PRDM5: variants seen among roughly 807,000 people sequenced by gnomAD.
The protein encoded by PRDM5 is PR/SET domain 5.
Under a neutral mutation model 81.2 loss-of-function variants are expected in PRDM5, and 56 were observed. That is an observed-to-expected ratio of 0.69 (90% CI 0.56 to 0.86). The LOEUF (loss-of-function observed/expected upper bound fraction) is 0.86, where lower values mean the gene tolerates loss of function less well. Ranked by LOEUF, PRDM5 falls within the 40% of genes least tolerant of loss-of-function variation. The probability of loss-of-function intolerance (pLI) is 0.00; values close to 1 mark genes in which losing one functional copy is unlikely to be tolerated. For missense variants in PRDM5, 697 were observed against 770.1 expected (o/e 0.91, Z 1.12); for synonymous variants, 267 against 256.4 (o/e 1.04, Z -0.39).
chr4:120,774,902 A>ATATATATATATATATATG (rs1553963976), intron 13 of PRDM5, among the ~76,000 whole-genome samples: 3 of 146,052 alleles, frequency 2.1e-5, no homozygotes, highest in African/African-American at 5.0e-5. Flanking sequence ...ATATATATAT[A>ATATATATATATATATATG]TATATGTATA....
At chr4:120,913,985 A>G (rs1766798189) in intron 1 of PRDM5, among the ~76,000 whole-genome samples, 1 of 152,188 alleles carries the variant, frequency 6.6e-6, no homozygotes, top group South Asian at 2.1e-4. Flanking sequence ...GACTGACGCC[A>G]CAGAGGACTA....
chr4:120,813,825 A>G (rs1379325226), intron 7 of PRDM5, among the ~76,000 whole-genome samples: 1 of 152,072 alleles, frequency 6.6e-6, no homozygotes, highest in Non-Finnish European at 1.5e-5. Context: ...CCCTCATAGC[A>G]ACTACTCCTT....
intron 13 of PRDM5, among the ~76,000 whole-genome samples, chr4:120,755,544 AT>A (rs56412820): frequency 0.095 from 14,392 of 152,184 alleles, 870 homozygotes; most frequent in South Asian, 0.21. Flanking sequence ...CTAGCAGTGT[AT>A]GTTCTTCCTC....
chr4:120,804,986 C>T (rs921181048), intron 8 of PRDM5, among the ~76,000 whole-genome samples: 4 of 152,140 alleles, frequency 2.6e-5, no homozygotes, highest in East Asian at 3.9e-4. Flanking sequence ...AGAGAAGAAT[C>T]AAATAGATGC....
chr4:120,712,061 G>A (rs1468543028), intron 14 of PRDM5, among the ~76,000 whole-genome samples: 3 of 152,070 alleles, frequency 2.0e-5, no homozygotes, highest in South Asian at 2.1e-4. Flanking sequence ...CAAGGCGGAC[G>A]AATTATCTGA....
chr4:120,773,205 C>A (rs1747550747), intron 13 of PRDM5, among the ~76,000 whole-genome samples: 1 of 151,242 alleles, frequency 6.6e-6, no homozygotes, highest in Non-Finnish European at 1.5e-5. Context: ...AAATGACTGA[C>A]AGACAAATTA....
chr4:120,778,615 C>T (rs1000245594), intron 12 of PRDM5, among the ~76,000 whole-genome samples: 2 of 151,982 alleles, frequency 1.3e-5, no homozygotes, highest in East Asian at 3.9e-4. Flanking sequence ...AACTAAAGAC[C>T]TTAGTCAGTA....
In PRDM5 at chr4:120,853,497, G is replaced by A. The variant is rs1175313702; in HGVS notation, c.221C>T (p.Thr74Ile). ...AAGCCAGTTGGAGTGCCGTGGGTTG[G>A]TAGCATCCAAAATGTACAAAACTTC... ...KGEVLYILDATNPRHSNWLRF... is the reference protein window; with the variant it reads ...KGEVLYILDAINPRHSNWLRF... Residue 74 changes from threonine (T) to isoleucine (I), a missense_variant, in exon 3 of 16, where the codon ACC becomes ATC. Thr to Ile is a moderately conservative substitution (Grantham distance 89, BLOSUM62 -1). This residue lies in a region of PRDM5 where 577 missense variants were observed against 606.7 expected (regional missense o/e 0.95). Transcript: ENST00000264808. 6.2e-7 allele frequency: 1 copy of A among 1,613,756 alleles called. No homozygotes were observed. The highest frequency in any genetic ancestry group is 1.1e-5 in the South Asian group (1 of 91,070).
intron 2 of PRDM5, among the ~76,000 whole-genome samples, chr4:120,885,134 C>CAAAAAAAAAA (rs60623556): frequency 5.9e-5 from 3 of 50,698 alleles, no homozygotes; most frequent in African/African-American, 6.7e-5. Flanking sequence ...GACTCCGTAT[C>CAAAAAAAAAA]AAAAAAAAAA....
At chr4:120,769,648 T>A (rs1303813927) in intron 13 of PRDM5, among the ~76,000 whole-genome samples, 1 of 152,178 alleles carries the variant, frequency 6.6e-6, no homozygotes, top group Non-Finnish European at 1.5e-5. Flanking sequence ...TACAAATACT[T>A]TCCAATGCAT....
intron 3 of PRDM5, among the ~76,000 whole-genome samples, chr4:120,851,223 A>G (rs564744070): frequency 6.6e-6 from 1 of 152,272 alleles, no homozygotes; most frequent in South Asian, 2.1e-4. Flanking sequence ...AAGAAAAACC[A>G]TCTAGCATAA....
intron 13 of PRDM5, among the ~76,000 whole-genome samples, chr4:120,757,738 T>C (rs1258737789): frequency 6.6e-6 from 1 of 152,026 alleles, no homozygotes; most frequent in Non-Finnish European, 1.5e-5. Flanking sequence ...TCTTCTCTTT[T>C]CTTTTCTTCT....
chr4:120,823,447 A>C (rs1178494495), intron 3 of PRDM5, among the ~76,000 whole-genome samples: 6 of 152,208 alleles, frequency 3.9e-5, no homozygotes, highest in Admixed American at 3.3e-4. Flanking sequence ...ATATAGTTAC[A>C]GGTATTACTT....
At chr4:120,862,401 C>T (rs542106199) in intron 2 of PRDM5, among the ~76,000 whole-genome samples, 8 of 152,312 alleles carry the variant, frequency 5.3e-5, no homozygotes, top group Non-Finnish European at 1.2e-4. Flanking sequence ...TACAAATGAA[C>T]TGCATTCATT....
At chr4:120,863,156 T>TAAAAAAAAA (rs66499146) in intron 2 of PRDM5, among the ~76,000 whole-genome samples, 1 of 40,132 alleles carries the variant, frequency 2.5e-5, no homozygotes, top group East Asian at 1.2e-3. Flanking sequence ...AGACTCTGTC[T>TAAAAAAAAA]AAAAAAAAAA....
Position 120,811,397 on chromosome 4 carries a change from T to G in PRDM5, c.918A>C (p.Ser306=). ...ICSVCNKKCS[S]ASSLQEHRKI... is the part of the protein sequence containing the mutation. Reference sequence around the variant, plus strand: ...TTCTATGTTCCTGTAGGCTTGATGCTGAAGAACACTTTTTATTGCACACTG... The same window carrying G: ...TTCTATGTTCCTGTAGGCTTGATGCGGAAGAACACTTTTTATTGCACACTG... The change falls in exon 8 of 16, where the codon TCA becomes TCC. Residue 306 remains serine, a synonymous_variant. Transcript: ENST00000264808. The G allele has an allele frequency of 6.2e-7, 1 of 1,602,506 alleles. No homozygotes were observed.
At chr4:120,821,067 T>C in intron 4 of PRDM5, 104 bp downstream of exon 4, 2 of 1,304,826 alleles carry the variant, frequency 1.5e-6, no homozygotes, top group Admixed American at 1.7e-5. Flanking sequence ...CTAACTTTAT[T>C]TGAGAATGCC....
intron 2 of PRDM5, among the ~76,000 whole-genome samples, chr4:120,903,088 C>T (rs72923574): frequency 0.022 from 3,357 of 152,312 alleles, 131 homozygotes; most frequent in African/African-American, 0.075. Flanking sequence ...TGCTCTCTCA[C>T]ATGACATCAT....
At chr4:120,697,910 C>T (rs11723367) in intron 15 of PRDM5, among the ~76,000 whole-genome samples, 26,210 of 150,520 alleles carry the variant, frequency 0.17, 2,602 homozygotes, top group Non-Finnish European at 0.24. Context: ...GTCGACAATA[C>T]TCAAATAAAA....
Sources: gnomAD v4.1 joint callset for allele counts (sites outside exome capture counted in the v4.1 genomes callset) on GRCh38, gnomAD v4.1.1 for gene constraint, gnomAD v4.1.1 regional missense constraint, MANE v1.5 for transcripts, NCBI Gene and HGNC (gene_info 2026-07-23, HGNC 2026-07-21) for gene names.